TOX2: variants seen among roughly 807,000 people sequenced by gnomAD.
TOX2 encodes the protein granulosa cell HMG box 1.
Under a neutral mutation model 47.4 loss-of-function variants are expected in TOX2, and 15 were observed. That is an observed-to-expected ratio of 0.32 (90% CI 0.21 to 0.49). TOX2 has a LOEUF of 0.49. Among genes scored for constraint, TOX2 ranks in the 20% least tolerant of loss-of-function variants. The pLI, the probability that TOX2 is intolerant of heterozygous loss-of-function variation, is 0.99. For synonymous variants in TOX2, 290 were observed against 296.6 expected (o/e 0.98, Z 0.23); for missense variants, 622 against 673.1 (o/e 0.92, Z 0.84).
At chr20:43,932,335 G>A (rs189890960) in intron 1 of TOX2, among the ~76,000 whole-genome samples, 1 of 152,304 alleles carries the variant, frequency 6.6e-6, no homozygotes, top group East Asian at 1.9e-4. Context: ...TGTGGACCCT[G>A]AGGTCTTTGT....
intron 3 of TOX2, among the ~76,000 whole-genome samples, chr20:44,033,493 G>T (rs1365624248): frequency 1.3e-5 from 2 of 152,274 alleles, no homozygotes; most frequent in South Asian, 4.2e-4. Context: ...TGAAGGTAAA[G>T]ATCTTGTGAT....
intron 2 of TOX2, among the ~76,000 whole-genome samples, chr20:43,996,463 C>A (rs1569077153): frequency 6.6e-6 from 1 of 152,342 alleles, no homozygotes; most frequent in African/African-American, 2.4e-5. Context: ...TTGGGAGGAG[C>A]TTGAACAGTG....
chr20:43,917,069 G>A (rs1485978228), intron 1 of TOX2, among the ~76,000 whole-genome samples: 1 of 152,200 alleles, frequency 6.6e-6, no homozygotes, highest in African/African-American at 2.4e-5. Flanking sequence ...GGCAGGGATG[G>A]GGGTGGGGAT....
In TOX2 at chr20:44,053,463, C is replaced by CATATATAT. The variant is rs1376124199; in HGVS notation, c.652-835_652-834insTATATATA. On this transcript the variant is annotated intron_variant, in intron 4 of 8. Transcript: ENST00000341197. Reference sequence around the variant, plus strand: ...ATACACACACACACACACACACACACACACACACATATATATATACACACA... The same window carrying CATATATAT: ...ATACACACACACACACACACACACACATATATATACACACACATATATATATACACACA... 6.7e-4 allele frequency among the ~76,000 whole-genome samples: 99 copies of CATATATAT among 147,884 alleles called. 1 individual carries two copies. Among genetic ancestry groups the CATATATAT allele is most frequent in the African/African-American group, 2.5e-3 (97 of 38,680 alleles).
chr20:44,062,412 A>AAATG (rs1426706569), intron 5 of TOX2, among the ~76,000 whole-genome samples: 22 of 131,158 alleles, frequency 1.7e-4, no homozygotes, highest in Non-Finnish European at 3.1e-4. Flanking sequence ...ATAAATGAAT[A>AAATG]AATAAAATAC....
intron 3 of TOX2, among the ~76,000 whole-genome samples, chr20:44,023,136 A>C (rs538699208): frequency 2.0e-5 from 3 of 151,718 alleles, no homozygotes; most frequent in African/African-American, 7.3e-5. Flanking sequence ...GGAGGGAAAG[A>C]TAGAGGAAGG....
intron 1 of TOX2, among the ~76,000 whole-genome samples, chr20:43,965,776 A>G (rs993955076): frequency 1.3e-5 from 2 of 152,194 alleles, no homozygotes; most frequent in African/African-American, 4.8e-5. Flanking sequence ...TGGGTAGAAG[A>G]CATGGGAGGG....
chr20:43,974,210 T>G (rs1284498963), intron 2 of TOX2, among the ~76,000 whole-genome samples: 2 of 149,882 alleles, frequency 1.3e-5, no homozygotes, highest in Non-Finnish European at 3.0e-5. Context: ...TAGGCTGAGA[T>G]CAGGGAGGGT....
chr20:43,935,207 C>T (rs1308004773), intron 1 of TOX2, among the ~76,000 whole-genome samples: 1 of 152,154 alleles, frequency 6.6e-6, no homozygotes, highest in Non-Finnish European at 1.5e-5. Flanking sequence ...TTTCAGTCTT[C>T]TTTGCTCTGT....
chr20:43,989,712 G>A (rs937319593), intron 2 of TOX2, among the ~76,000 whole-genome samples: 3 of 151,830 alleles, frequency 2.0e-5, no homozygotes, highest in African/African-American at 4.8e-5. Flanking sequence ...TCCGGGAGGT[G>A]GAGGTTACAG....
At position 44,044,291 on chromosome 20, in the gene TOX2, G is replaced by A. The variant is rs187198915; in HGVS notation, c.412-7015G>A. ...GGGGCCTGTTGTGGGGGGCGGTTGT[G>A]GGGAGGGATAGCATGAGGAGATATA... On this transcript the variant is annotated intron_variant, in intron 3 of 8. Coordinates refer to ENST00000341197, the MANE Select transcript of TOX2 (RefSeq NM_001098797.2). 1.4e-3 allele frequency among the ~76,000 whole-genome samples: 213 copies of A among 152,214 alleles called. 1 individual carries two copies. Among genetic ancestry groups the A allele is most frequent in the African/African-American group, 4.6e-3 (192 of 41,502 alleles).
chr20:43,916,231 G>A lies in TOX2; in HGVS notation c.99+1241G>A, dbSNP rs1026775107. The A allele has an allele frequency of 9.1e-6, 9 of 985,446 alleles. 1 individual carries two copies. The highest frequency in any genetic ancestry group is 1.7e-5 in the African/African-American group (1 of 57,256). The allele number at this position is 985,446 out of a possible 1,614,324, so 61.0% of individuals were successfully genotyped here. ...GGGGTGAGTGCGCGTCCAGTGGCTG[G>A]ATCGGCGCCCCCCAGGGTCTCTCCC... On this transcript the variant is annotated intron_variant, in intron 1 of 8. Coordinates refer to ENST00000341197, the MANE Select transcript of TOX2 (RefSeq NM_001098797.2). The surrounding 1 kb of genome is among the most constrained non-coding windows in gnomAD (Gnocchi z 5.0).
At chr20:43,929,521 G>A (rs1349812986) in intron 1 of TOX2, among the ~76,000 whole-genome samples, 3 of 151,980 alleles carry the variant, frequency 2.0e-5, no homozygotes, top group Admixed American at 1.3e-4. Context: ...TTGCGCTTGA[G>A]GGGCTTTGCA....
intron 3 of TOX2, among the ~76,000 whole-genome samples, chr20:44,034,799 C>A (rs1343059388): frequency 2.0e-5 from 3 of 152,128 alleles, no homozygotes; most frequent in Admixed American, 6.6e-5. Context: ...AAGAGAATAC[C>A]CCCAAAAGAT....
At chr20:44,027,258 T>C (rs1407150302) in intron 3 of TOX2, among the ~76,000 whole-genome samples, 2 of 150,988 alleles carry the variant, frequency 1.3e-5, no homozygotes, top group Admixed American at 1.3e-4. Context: ...TGGTTTTAAT[T>C]AGCACATGTG....
At chr20:43,971,507 G>C (rs536534524) in intron 1 of TOX2, among the ~76,000 whole-genome samples, 3 of 152,210 alleles carry the variant, frequency 2.0e-5, no homozygotes, top group Admixed American at 2.0e-4. Context: ...GGTTGTGGGC[G>C]TGTGGATTTC....
At chr20:43,977,604 C>T (rs1326273449) in intron 2 of TOX2, among the ~76,000 whole-genome samples, 2 of 151,994 alleles carry the variant, frequency 1.3e-5, no homozygotes, top group Non-Finnish European at 2.9e-5. Flanking sequence ...ATACATTCTC[C>T]ATTGTTTGGT....
At chr20:44,015,226 G>A (rs889280827) in intron 3 of TOX2, among the ~76,000 whole-genome samples, 2 of 152,096 alleles carry the variant, frequency 1.3e-5, no homozygotes, top group African/African-American at 4.8e-5. Flanking sequence ...GAAACTCCTG[G>A]CCCCTGTTTT....
chr20:44,037,163 AG>A (rs1424199077), intron 3 of TOX2, among the ~76,000 whole-genome samples: 2 of 152,200 alleles, frequency 1.3e-5, no homozygotes, highest in Non-Finnish European at 2.9e-5. Context: ...CATGTTGGTC[AG>A]GCTGGTCTTG....
Sources: allele counts gnomAD v4.1 joint callset (sites outside exome capture counted in the v4.1 genomes callset), GRCh38; gene constraint gnomAD v4.1.1; non-coding constraint Gnocchi (gnomAD v3.1); transcripts MANE v1.5; gene names NCBI Gene and HGNC (gene_info 2026-07-23, HGNC 2026-07-21).